UVRAG: variants seen among roughly 807,000 people sequenced by gnomAD.
UVRAG encodes the protein UV radiation resistance associated, also known as UV radiation resistance-associated gene protein.
A neutral mutation model predicts 78.0 loss-of-function variants in UVRAG; 19 were observed. The ratio of observed to expected loss-of-function variants is 0.24; its 90% CI spans 0.17 to 0.36. UVRAG has a LOEUF of 0.36. UVRAG is among the 10% of genes least tolerant of loss of function. The pLI is 1.00. For synonymous variants in UVRAG, 323 were observed against 324.6 expected, an observed-to-expected ratio of 1.00 and a Z score of 0.05; for missense variants, 740 against 853.8, an observed-to-expected ratio of 0.87 and a Z score of 1.66.
intron 12 of UVRAG, among the ~76,000 whole-genome samples, chr11:76,019,345 C>G (rs1287693998): frequency 1.3e-5 from 2 of 152,160 alleles, no homozygotes; most frequent in East Asian, 3.8e-4. Context: ...GTCCCTGATG[C>G]CTTATTTAGT....
chr11:75,962,259 A>AT (rs1220624560), intron 7 of UVRAG, among the ~76,000 whole-genome samples: 1 of 152,110 alleles, frequency 6.6e-6, no homozygotes, highest in Non-Finnish European at 1.5e-5. Flanking sequence ...TTATTTAAAT[A>AT]TTTGTTCGTG....
intron 12 of UVRAG, among the ~76,000 whole-genome samples, chr11:76,026,252 G>T (rs551833213): frequency 6.6e-6 from 1 of 152,184 alleles, no homozygotes; most frequent in Admixed American, 6.6e-5. Context: ...GAAAATTCCA[G>T]AACTCTAGTT....
At chr11:75,886,952 A>G (rs1340812594) in intron 4 of UVRAG, among the ~76,000 whole-genome samples, 1 of 149,652 alleles carries the variant, frequency 6.7e-6, no homozygotes, top group African/African-American at 2.5e-5. Flanking sequence ...TTTTTTTTTA[A>G]TCTGAGTTCC....
chr11:75,961,413 A>G, intron 6 of UVRAG, 31 bp from the exon 7 acceptor site: 2 of 1,549,768 alleles, frequency 1.3e-6, no homozygotes, highest in Non-Finnish European at 1.7e-6. Flanking sequence ...CTGTTAACTC[A>G]TTTACATTTT....
At chr11:76,108,831 C>T (rs1952020204) in intron 13 of UVRAG, among the ~76,000 whole-genome samples, 1 of 152,064 alleles carries the variant, frequency 6.6e-6, no homozygotes, top group African/African-American at 2.4e-5. Context: ...TTAATTTTTC[C>T]AGGGAAACCA....
intron 1 of UVRAG, among the ~76,000 whole-genome samples, chr11:75,820,850 C>G (rs1195167392): frequency 7.1e-6 from 1 of 141,394 alleles, no homozygotes; most frequent in East Asian, 2.1e-4. Context: ...TTGCTTGAGG[C>G]AGGAGGATTG....
At chr11:76,032,522 C>A (rs1950454367) in intron 12 of UVRAG, among the ~76,000 whole-genome samples, 1 of 152,154 alleles carries the variant, frequency 6.6e-6, no homozygotes, top group African/African-American at 2.4e-5. Flanking sequence ...GTTTATTGAG[C>A]ACTAGGACAT....
intron 8 of UVRAG, among the ~76,000 whole-genome samples, chr11:75,992,763 G>A (rs760504917): frequency 4.6e-5 from 7 of 152,124 alleles, no homozygotes; most frequent in African/African-American, 9.7e-5. Context: ...CATTATTCTT[G>A]TACATTTACA....
intron 13 of UVRAG, among the ~76,000 whole-genome samples, chr11:76,112,480 A>G (rs1386302392): frequency 1.3e-5 from 2 of 152,218 alleles, no homozygotes; most frequent in Non-Finnish European, 2.9e-5. Context: ...TAGATCAAGA[A>G]AGAAGACAAT....
chr11:76,115,774 G>T, intron 13 of UVRAG, 150 bp from the exon 14 acceptor site: 1 of 658,456 alleles, frequency 1.5e-6, no homozygotes, highest in Non-Finnish European at 2.6e-6. Flanking sequence ...CAAATACCCA[G>T]TAAGTGGAAA....
At chr11:75,974,045 A>AT (rs1487714361) in intron 7 of UVRAG, among the ~76,000 whole-genome samples, 1 of 152,164 alleles carries the variant, frequency 6.6e-6, no homozygotes, top group Admixed American at 6.5e-5. Context: ...TAGCAGCATG[A>AT]TTATAATCCT....
At position 76,127,634 on chromosome 11, in the gene UVRAG, C is replaced by CAA. The variant is rs36010618; in HGVS notation, c.1397+11635_1397+11636dup. 7.4e-3 allele frequency among the ~76,000 whole-genome samples: 613 copies of CAA among 82,888 alleles called. 11 individuals carry two copies. Among genetic ancestry groups the CAA allele is most frequent in the African/African-American group, 0.022 (555 of 24,800 alleles). 54.4% of individuals were successfully genotyped at this position (82,888 alleles called of 152,430 possible). A position where few individuals can be genotyped will look rare whatever the true frequency, so the allele number is the denominator to read the frequency against. On this transcript the variant is annotated intron_variant, in intron 14 of 14. Coordinates refer to ENST00000356136, the MANE Select transcript of UVRAG (RefSeq NM_003369.4). ...GGGCAACAAGAACAAAACTCCGTCT[C>CAA]AAAAAAAAAAAAAAAAATGAATGAA...
At position 75,981,970 on chromosome 11, in the gene UVRAG, C is replaced by T. The variant is rs111757574; in HGVS notation, c.700-1417C>T. ...AGCATGTTCTTAATTGCTATTGAAG[C>T]ATTTTTATGTTGGCTACTTTCAGGT... On this transcript the variant is annotated intron_variant, in intron 7 of 14. Coordinates refer to ENST00000356136, the MANE Select transcript of UVRAG (RefSeq NM_003369.4). Among the ~76,000 whole-genome samples, 528 of 151,982 alleles carry T rather than the reference C, an allele frequency of 3.5e-3. 4 individuals carry two copies. Among genetic ancestry groups the T allele is most frequent in the African/African-American group, 0.012 (507 of 41,420 alleles).
At chr11:75,909,965 A>C (rs1174832635) in intron 5 of UVRAG, among the ~76,000 whole-genome samples, 3 of 152,088 alleles carry the variant, frequency 2.0e-5, no homozygotes, top group Admixed American at 1.3e-4. Flanking sequence ...TGTAAAGTGG[A>C]TATTCTTTCT....
intron 3 of UVRAG, 38 bp downstream of exon 3, chr11:75,861,818 T>C: frequency 6.5e-7 from 1 of 1,539,978 alleles, no homozygotes; most frequent in Non-Finnish European, 9.0e-7. Flanking sequence ...TGACTAAGTA[T>C]ATACACCTGT....
At chr11:76,063,108 A>T (rs562989254) in intron 12 of UVRAG, among the ~76,000 whole-genome samples, 56 of 152,254 alleles carry the variant, frequency 3.7e-4, no homozygotes, top group Non-Finnish European at 7.2e-4. Flanking sequence ...AATCTTTTTT[A>T]AAAAAAATTC....
At chr11:75,898,229 C>T (rs7119723) in intron 5 of UVRAG, among the ~76,000 whole-genome samples, 4,930 of 152,188 alleles carry the variant, frequency 0.032, 260 homozygotes, top group African/African-American at 0.11. Flanking sequence ...TTATAACAAC[C>T]TTAGAGGAAG....
chr11:75,825,560 T>A (rs1278675527), intron 1 of UVRAG, among the ~76,000 whole-genome samples: 2 of 152,238 alleles, frequency 1.3e-5, no homozygotes, highest in Non-Finnish European at 2.9e-5. Flanking sequence ...CTTGATTTAG[T>A]ATCACATAAC....
chr11:76,092,298 A>G (rs535050660), intron 13 of UVRAG, among the ~76,000 whole-genome samples: 23 of 152,210 alleles, frequency 1.5e-4, no homozygotes, highest in Non-Finnish European at 2.5e-4. Context: ...CAGTAAACAT[A>G]CATGTGCATG....
Sources: gnomAD v4.1 joint callset for allele counts (sites outside exome capture counted in the v4.1 genomes callset) on GRCh38, gnomAD v4.1.1 for gene constraint, MANE v1.5 for transcripts, NCBI Gene and HGNC (gene_info 2026-07-23, HGNC 2026-07-21) for gene names.